The following TXNRD1 variants were observed in gnomAD, a reference collection of about 807,000 sequenced individuals.
TXNRD1 encodes thioredoxin reductase 1, cytoplasmic.
TXNRD1 carries 57 observed loss-of-function variants against 80.3 expected under a neutral mutation model. That is an observed-to-expected ratio of 0.71 (90% CI 0.57 to 0.89). TXNRD1 has a LOEUF of 0.89. Among genes scored for constraint, TXNRD1 ranks in the 40% least tolerant of loss-of-function variants. TXNRD1 has a pLI of 0.00. For missense variants in TXNRD1, 730 were observed against 803.0 expected (o/e 0.91, Z 1.10); for synonymous variants, 291 against 285.2 (o/e 1.02, Z -0.20).
intron 2 of TXNRD1, among the ~76,000 whole-genome samples, chr12:104,254,644 A>AAAAAAAAATATATATATATAT: frequency 1.1e-4 from 10 of 93,624 alleles, no homozygotes; most frequent in Admixed American, 3.9e-4. Flanking sequence ...AAAAAAAAAA[A>AAAAAAAAATATATATATATAT]ATATATATAT....
Position 104,223,933 on chromosome 12 carries a change from G to A in TXNRD1, c.91+8040G>A, listed in dbSNP as rs1183397181. On this transcript the variant is annotated intron_variant, in intron 1 of 16. Transcript: ENST00000525566. ...CCCTGGGTGTGGGCAGAGTAGTGTGGGAAGGGGAGAGGGCAGATTGCAAAG... is the reference window on the plus strand; with the variant it reads ...CCCTGGGTGTGGGCAGAGTAGTGTGAGAAGGGGAGAGGGCAGATTGCAAAG... Among the ~76,000 whole-genome samples, 8 of 152,316 alleles carry A rather than the reference G, an allele frequency of 5.3e-5. No individual in the cohort carries two copies. In the East Asian group the frequency reaches 1.5e-3, roughly 29 times the overall value.
chr12:104,258,901 G>A (rs1404852544), intron 3 of TXNRD1, among the ~76,000 whole-genome samples: 1 of 152,148 alleles, frequency 6.6e-6, no homozygotes, highest in Non-Finnish European at 1.5e-5. Context: ...TTGCACTCTA[G>A]CCTGGATTAC....
At chr12:104,246,608 T>C (rs1035193664) in intron 1 of TXNRD1, among the ~76,000 whole-genome samples, 4 of 149,774 alleles carry the variant, frequency 2.7e-5, no homozygotes, top group African/African-American at 9.8e-5. Flanking sequence ...CTGCAACCTC[T>C]GCCTCCCAGG....
At position 104,267,647 on chromosome 12, in the gene TXNRD1, A is replaced by ATCTTTCCTTCTTTCTTTCTTTCTT. The variant is rs1555209253; in HGVS notation, c.304+9574_304+9575insCTTCTTTCTTTCTTTCTTTCTTTC. Among the ~76,000 whole-genome samples the ATCTTTCCTTCTTTCTTTCTTTCTT allele has an allele frequency of 6.4e-5, 9 of 140,344 alleles. No individual in the cohort carries two copies. The South Asian group carries it at 7.1e-4, about 11-fold the overall frequency. 92.1% of individuals were successfully genotyped at this position (140,344 alleles called of 152,430 possible). A position where few individuals can be genotyped will look rare whatever the true frequency, so the allele number is the denominator to read the frequency against. ...GATAGGTGTTCCTAGATGTGATGGTATCTTTCTTTCTTTCTTTCTTTCTTT... is the reference window on the plus strand; with the variant it reads ...GATAGGTGTTCCTAGATGTGATGGTATCTTTCCTTCTTTCTTTCTTTCTTTCTTTCTTTCTTTCTTTCTTTCTTT... On this transcript the variant is annotated intron_variant, in intron 3 of 16. Coordinates refer to ENST00000525566, the MANE Select transcript of TXNRD1 (RefSeq NM_001093771.3).
At chr12:104,299,767 C>CAAAA (rs35918319) in intron 4 of TXNRD1, among the ~76,000 whole-genome samples, 1 of 104,856 alleles carries the variant, frequency 9.5e-6, no homozygotes, top group African/African-American at 3.8e-5. Flanking sequence ...GACTCCGTCT[C>CAAAA]AAAAAAAAAA....
intron 3 of TXNRD1, among the ~76,000 whole-genome samples, chr12:104,266,265 C>T (rs779222931): frequency 1.3e-5 from 2 of 152,158 alleles, no homozygotes; most frequent in Non-Finnish European, 2.9e-5. Context: ...CGGTGGCTTA[C>T]GCCTGTAATC....
chr12:104,327,252 C>T (rs35155107), intron 12 of TXNRD1, among the ~76,000 whole-genome samples: 1 of 152,316 alleles, frequency 6.6e-6, no homozygotes, highest in East Asian at 1.9e-4. Context: ...AGAATCCTCA[C>T]TCTTAACCAC....
At chr12:104,305,133 C>T in intron 4 of TXNRD1, 1 of 533,520 alleles carries the variant, frequency 1.9e-6, no homozygotes, top group Non-Finnish European at 3.1e-6. Flanking sequence ...AACAAATTCA[C>T]TGGCATATTT....
intron 4 of TXNRD1, 142 bp downstream of exon 4, chr12:104,289,182 GC>G: frequency 1.1e-6 from 1 of 946,582 alleles, no homozygotes; most frequent in Non-Finnish European, 1.5e-6. Context: ...ACGCTCGTGG[GC>G]TAGCGCATGT....
In TXNRD1 at chr12:104,337,434, A is replaced by G. The variant is rs562556415; in HGVS notation, c.1747-1705A>G. Among the ~76,000 whole-genome samples, 40 of 152,182 alleles carry G rather than the reference A, an allele frequency of 2.6e-4. 1 individual carries two copies. Among genetic ancestry groups the G allele is most frequent in the Admixed American group, 2.6e-3 (40 of 15,290 alleles). On this transcript the variant is annotated intron_variant, in intron 15 of 16. Coordinates refer to ENST00000525566, the MANE Select transcript of TXNRD1 (RefSeq NM_001093771.3). ...TCTGCGCTGAAAATCTATCAGCTCA[A>G]CAGTAGAGTGCATCAGATTTCTCTG...
At chr12:104,312,157 A>G (rs1016939480) in intron 5 of TXNRD1, among the ~76,000 whole-genome samples, 1 of 152,156 alleles carries the variant, frequency 6.6e-6, no homozygotes, top group Non-Finnish European at 1.5e-5. Context: ...TCTCCAATAT[A>G]AAAAAAGATG....
chr12:104,321,206 A>G lies in TXNRD1; in HGVS notation c.1105A>G (p.Met369Val), dbSNP rs1475331465. ...LAGIGLDVTVMVRSILLRGFD... is the reference protein window; with the variant it reads ...LAGIGLDVTVVVRSILLRGFD... ...TGGTATTGGTTTAGACGTCACTGTT[A>G]TGGTTAGGTCCATTCTTCTTAGAGG... The change falls in exon 10 of 17, where the codon ATG (methionine) becomes GTG (valine). Residue 369 changes from methionine to valine, a missense_variant. Physicochemically the swap from Met to Val is conservative, Grantham distance 21 (BLOSUM62 1). Transcript: ENST00000525566. 6.2e-7 allele frequency: 1 copy of G among 1,613,252 alleles called. No individual in the cohort carries two copies. Among genetic ancestry groups the G allele is most frequent in the Non-Finnish European group, 8.5e-7 (1 of 1,179,810 alleles).
chr12:104,328,167 A>T (rs1006845474), intron 13 of TXNRD1, among the ~76,000 whole-genome samples: 2 of 150,176 alleles, frequency 1.3e-5, no homozygotes, highest in Non-Finnish European at 2.9e-5. Context: ...TCCATCTAAA[A>T]AAAAAAATTA....
At chr12:104,326,996 A>G (rs528608641) in intron 12 of TXNRD1, among the ~76,000 whole-genome samples, 11 of 150,908 alleles carry the variant, frequency 7.3e-5, no homozygotes, top group African/African-American at 2.2e-4. Context: ...CATCACACCT[A>G]TAATCATGCT....
At position 104,251,564 on chromosome 12, in the gene TXNRD1, C is replaced by T; in HGVS notation, c.129C>T (p.Asn43=). 3.1e-6 allele frequency: 5 copies of T among 1,613,896 alleles called. No homozygotes were observed. The highest frequency in any genetic ancestry group is 4.2e-6 in the Non-Finnish European group (5 of 1,179,838). Residue 43 remains asparagine, a synonymous_variant, in exon 2 of 17, where the codon AAC becomes AAT. Transcript: ENST00000525566. ...DHHPGKTLPE[N]PAGFTSTATA... is the part of the protein sequence containing the mutation. ...ACCCTGGTAAAACTTTGCCAGAGAA[C>T]CCAGCAGGATTCACCAGCACGGCCA...
intron 4 of TXNRD1, among the ~76,000 whole-genome samples, chr12:104,300,895 C>T (rs754725368): frequency 6.6e-6 from 1 of 152,202 alleles, no homozygotes; most frequent in Non-Finnish European, 1.5e-5. Flanking sequence ...AGCCACCCAC[C>T]TCGGCCTCCC....
At chr12:104,306,602 A>G (rs112003818) in intron 4 of TXNRD1, among the ~76,000 whole-genome samples, 5,871 of 152,292 alleles carry the variant, frequency 0.039, 164 homozygotes, top group Middle Eastern at 0.12. Flanking sequence ...AGGATTTTTC[A>G]TGTATGGAGA....
chr12:104,289,021 G>A lies in TXNRD1; in HGVS notation c.395G>A (p.Gly132Asp). Residue 132 changes from glycine to aspartate, a missense_variant, in exon 4 of 17, where the codon GGC becomes GAC. Gly to Asp is a moderately conservative substitution (Grantham distance 94). Coordinates refer to ENST00000525566, the MANE Select transcript of TXNRD1 (RefSeq NM_001093771.3). ...VVFVKQRKIGGHGPTLKAYQE... is the reference protein window; with the variant it reads ...VVFVKQRKIGDHGPTLKAYQE... ...TTTGTGAAACAGAGAAAGATAGGCG[G>A]CCATGGTCCAACCTTGAAGGTAGGA... 1.2e-6 allele frequency: 2 copies of A among 1,613,990 alleles called. No individual in the cohort carries two copies. Among genetic ancestry groups the A allele is most frequent in the Admixed American group, 1.7e-5 (1 of 60,022 alleles).
intron 4 of TXNRD1, chr12:104,310,041 T>C: frequency 1.3e-6 from 2 of 1,536,232 alleles, no homozygotes; most frequent in Non-Finnish European, 1.7e-6. Context: ...GACCCCAAGC[T>C]CTGCCTTTCA....
Sources: gnomAD v4.1 joint callset for allele counts (sites outside exome capture counted in the v4.1 genomes callset) on GRCh38, gnomAD v4.1.1 for gene constraint, MANE v1.5 for transcripts, NCBI Gene and HGNC (gene_info 2026-07-23, HGNC 2026-07-21) for gene names.